MCM7: variants seen among roughly 807,000 people sequenced by gnomAD.
The protein encoded by MCM7 is DNA replication licensing factor MCM7.
Under a neutral mutation model 83.5 loss-of-function variants are expected in MCM7, and 95 were observed. The ratio of observed to expected loss-of-function variants is 1.14; its 90% CI spans 0.96 to 1.35. The LOEUF (loss-of-function observed/expected upper bound fraction) is 1.35, where lower values mean the gene tolerates loss of function less well. Among genes scored for constraint, MCM7 ranks in the 40% most tolerant of loss-of-function variants. The pLI, the probability that MCM7 is intolerant of heterozygous loss-of-function variation, is 0.00. For synonymous variants in MCM7, 461 were observed against 352.7 expected (o/e 1.31, Z -3.44); for missense variants, 1,087 against 957.4 (o/e 1.14, Z -1.79).
rs1347854800 is a variant in MCM7, at chr7:100,098,689, C to G, written c.609G>C (p.Leu203=). ...QPIQSPTFMP[L]IMCPSQECQT... is the part of the protein sequence containing the mutation. ...GGCACTCCTGGCTTGGGCACATGATCAGAGGCATGAAAGTGGGAGACTGGA... is the reference window on the plus strand; with the variant it reads ...GGCACTCCTGGCTTGGGCACATGATGAGAGGCATGAAAGTGGGAGACTGGA... The change falls in exon 6 of 15, where the codon CTG becomes CTC. Residue 203 remains leucine, a synonymous_variant. Transcript: ENST00000303887. 1 of 1,614,106 alleles carries G rather than the reference C, an allele frequency of 6.2e-7. No individual in the cohort carries two copies. Among genetic ancestry groups the G allele is most frequent in the East Asian group, 2.2e-5 (1 of 44,888 alleles).
intron 2 of MCM7, 79 bp from the exon 3 acceptor site, chr7:100,099,832 C>T (rs1795855736): frequency 5.7e-6 from 9 of 1,572,994 alleles, no homozygotes; most frequent in Non-Finnish European, 7.8e-6. Context: ...AAATGCATCA[C>T]TGAGAACTCA....
chr7:100,095,562 C>G, intron 11 of MCM7, 92 bp from the exon 12 acceptor site: 1 of 1,376,078 alleles, frequency 7.3e-7, no homozygotes, highest in South Asian at 1.3e-5. Flanking sequence ...GCCACTTCCT[C>G]ACAGTGTAGG....
intron 1 of MCM7, 172 bp downstream of exon 1, chr7:100,101,092 C>T (rs1293588346): frequency 8.8e-6 from 7 of 796,974 alleles, no homozygotes; most frequent in African/African-American, 1.7e-5. Context: ...TGGCCCCCCG[C>T]ACGCTTCCCA....
intron 7 of MCM7, 72 bp from the exon 8 acceptor site, chr7:100,098,020 T>C: frequency 6.3e-7 from 1 of 1,581,412 alleles, no homozygotes. Context: ...CCTAACAATT[T>C]CTTGACAAAT....
chr7:100,100,773 G>A (rs907454665), intron 1 of MCM7: 32 of 991,264 alleles, frequency 3.2e-5, no homozygotes, highest in Non-Finnish European at 3.5e-5. Flanking sequence ...CAGCCTCCTC[G>A]CGCCACTTCC....
intron 13 of MCM7, chr7:100,093,910 G>A: frequency 1.4e-6 from 1 of 689,774 alleles, no homozygotes; most frequent in Non-Finnish European, 2.8e-6. Context: ...AGGACACATG[G>A]AGTGAAACAG....
intron 12 of MCM7, among the ~76,000 whole-genome samples, chr7:100,094,648 A>G (rs1298830122): frequency 1.3e-5 from 2 of 152,212 alleles, no homozygotes; most frequent in Non-Finnish European, 2.9e-5. Context: ...AGCGCATGAC[A>G]TGGCAAAACA....
Position 100,094,328 on chromosome 7 carries a change from T to A in MCM7, c.1693A>T (p.Met565Leu). Residue 565 changes from methionine (M) to leucine (L), a missense_variant, in exon 13 of 15, where the codon ATG (methionine) becomes TTG (leucine). By Grantham distance (15) the Met-to-Leu change is conservative. Coordinates refer to ENST00000303887, the MANE Select transcript of MCM7 (RefSeq NM_005916.5). ...DMKLMRRYIAMCREKQPMVPE... is the reference protein window; with the variant it reads ...DMKLMRRYIALCREKQPMVPE... ...ACCATGGGCTGCTTCTCGCGGCACA[T>A]GGCTATGTAACGCCTGTGGGGGAAG... 1 of 1,614,076 alleles carries A rather than the reference T, an allele frequency of 6.2e-7. No individual in the cohort carries two copies. Among genetic ancestry groups the A allele is most frequent in the Non-Finnish European group, 8.5e-7 (1 of 1,180,024 alleles).
chr7:100,096,039 T>C lies in MCM7; in HGVS notation c.1330A>G (p.Ile444Val). ...LVLADQGVCC[I>V]DEFDKMAEAD... ...TCAGCCATCTTGTCGAACTCATCAA[T>C]GCAGCACACACCCTGGTCAGCCAGC... The change falls in exon 11 of 15, where the codon ATT (isoleucine) becomes GTT (valine). Residue 444 changes from isoleucine to valine, a missense_variant. Coordinates refer to ENST00000303887, the MANE Select transcript of MCM7 (RefSeq NM_005916.5). The C allele has an allele frequency of 6.2e-7, 1 of 1,614,062 alleles. No homozygotes were observed.
At chr7:100,100,927 G>C (rs1273638686) in intron 1 of MCM7, 36 of 1,036,250 alleles carry the variant, frequency 3.5e-5, no homozygotes, top group Non-Finnish European at 4.2e-5. Context: ...AAGGAAAGCG[G>C]GCACGGGAGC....
rs1050771472 is a variant in MCM7 at position 100,100,654 on chromosome 7, C to T, written c.32-561G>A. ...AGACACCGCGATCCCAGCCCACTGC[C>T]GCCTTTCCCGGGCCCGAGCGAAGCT... On this transcript the variant is annotated intron_variant, in intron 1 of 14. Coordinates refer to ENST00000303887, the MANE Select transcript of MCM7 (RefSeq NM_005916.5). 3 of 990,320 alleles carry T rather than the reference C, an allele frequency of 3.0e-6. No individual in the cohort carries two copies. In the African/African-American group the frequency reaches 5.2e-5, roughly 17 times the overall value. The allele number at this position is 990,320 out of a possible 1,614,324, so 61.3% of individuals were successfully genotyped here.
chr7:100,100,787 C>A, intron 1 of MCM7: 1 of 993,602 alleles, frequency 1.0e-6, no homozygotes, highest in Non-Finnish European at 1.2e-6. Context: ...CACTTCCGCC[C>A]GGCTCCACTT....
chr7:100,093,212 T>C, intron 14 of MCM7, 79 bp from the exon 15 acceptor site: 1 of 1,593,952 alleles, frequency 6.3e-7, no homozygotes, highest in Non-Finnish European at 8.6e-7. Context: ...TGGTGGCCAG[T>C]GTTAGAATTG....
Position 100,095,876 on chromosome 7 carries a change from CGAG to C in MCM7, c.1490_1492del (p.Pro497del). 1.2e-6 allele frequency: 2 copies of C among 1,613,608 alleles called. No homozygotes were observed. The highest frequency in any genetic ancestry group is 1.7e-6 in the Non-Finnish European group (2 of 1,179,984). On this transcript the variant is annotated inframe_deletion, in exon 11 of 15. Transcript: ENST00000303887. ...CTGTATGTTCTGCTCCAGGCTGCGG[CGAG>C]GGTTGTAGCGCCCGTAGGCAGGGTT...
At chr7:100,100,857 C>G in intron 1 of MCM7, 1 of 1,028,822 alleles carries the variant, frequency 9.7e-7, no homozygotes, top group Non-Finnish European at 1.2e-6. Flanking sequence ...GGCCTGCCCG[C>G]CCCCGGGGCC....
chr7:100,096,719 G>C (rs954978669), intron 10 of MCM7, among the ~76,000 whole-genome samples: 1 of 152,032 alleles, frequency 6.6e-6, no homozygotes, highest in Non-Finnish European at 1.5e-5. Context: ...AGGTTGCAGT[G>C]AGCCAAGACC....
At position 100,095,774 on chromosome 7, in the gene MCM7, C is replaced by T. The variant is rs139535707; in HGVS notation, c.1595G>A (p.Arg532Gln). The stretch of plus-strand genomic sequence containing the variant: ...TCTTTGGGTGTTGAGCTTCATTCAC[C>T]GTAGGTCATTGTCTCGGTCGGGCCG... ...QDRPDRDNDL[R>Q]LAQHITYVHQ... Residue 532 changes from arginine to glutamine, a missense_variant and splice_region_variant, in exon 11 of 15, where the codon CGG (arginine) becomes CAG (glutamine). By Grantham distance (43) the Arg-to-Gln change is conservative (BLOSUM62 1). Coordinates refer to ENST00000303887, the MANE Select transcript of MCM7 (RefSeq NM_005916.5). 5.7e-5 allele frequency: 89 copies of T among 1,571,764 alleles called. No individual in the cohort carries two copies. Among genetic ancestry groups the T allele is most frequent in the Middle Eastern group, 1.7e-4 (1 of 5,762 alleles).
Position 100,098,307 on chromosome 7 carries a change from C to A in MCM7, c.721-17G>T, listed in dbSNP as rs747649856. ...CTGATCACTCTAGGGGAGGGAAAGG[C>A]ACATAAGACTAGGAGAAATGGACAA... is the stretch of plus-strand genomic sequence containing the variant. On this transcript the variant is annotated splice_polypyrimidine_tract_variant and intron_variant, in intron 6 of 14. Coordinates refer to ENST00000303887, the MANE Select transcript of MCM7 (RefSeq NM_005916.5). The A allele has an allele frequency of 4.3e-6, 7 of 1,613,076 alleles. No individual in the cohort carries two copies. Among genetic ancestry groups the A allele is most frequent in the Non-Finnish European group, 5.9e-6 (7 of 1,179,424 alleles).
intron 10 of MCM7, among the ~76,000 whole-genome samples, chr7:100,096,920 T>G (rs754291782): frequency 6.6e-6 from 1 of 150,650 alleles, no homozygotes; most frequent in Non-Finnish European, 1.5e-5. Flanking sequence ...GCTAACACGG[T>G]GAAACCCCGT....
Sources: allele counts gnomAD v4.1 joint callset (sites outside exome capture counted in the v4.1 genomes callset), GRCh38; gene constraint gnomAD v4.1.1; transcripts MANE v1.5; gene names NCBI Gene and HGNC (gene_info 2026-07-23, HGNC 2026-07-21).